The following LRRIQ1 variants were observed in gnomAD, a reference collection of about 807,000 sequenced individuals.
The protein encoded by LRRIQ1 is leucine-rich repeat- and IQ domain-containing protein 1.
In LRRIQ1, 210 loss-of-function variants were observed where a neutral mutation model predicts 211.9. The ratio of observed to expected loss-of-function variants is 0.99; its 90% CI spans 0.89 to 1.11. The LOEUF (loss-of-function observed/expected upper bound fraction) is 1.11. LRRIQ1 is among the 50% of genes most tolerant of loss of function. The pLI is 0.00. For synonymous variants in LRRIQ1, 699 were observed against 650.1 expected (o/e 1.08, Z -1.14); for missense variants, 2,136 against 1,939.5 (o/e 1.10, Z -1.90).
intron 10 of LRRIQ1, among the ~76,000 whole-genome samples, 193 bp downstream of exon 10, chr12:85,067,091 A>G (rs970273025): frequency 6.6e-6 from 1 of 151,910 alleles, no homozygotes; most frequent in African/African-American, 2.4e-5. Flanking sequence ...CACCACTGGC[A>G]ACTCTGTAGT....
At chr12:85,081,270 T>C (rs1376382552) in intron 11 of LRRIQ1, among the ~76,000 whole-genome samples, 3 of 152,170 alleles carry the variant, frequency 2.0e-5, no homozygotes. Flanking sequence ...TATGATTCGG[T>C]AGTACCATTT....
chr12:85,065,977 C>T (rs1882386128), intron 9 of LRRIQ1, among the ~76,000 whole-genome samples: 1 of 151,844 alleles, frequency 6.6e-6, no homozygotes, highest in Non-Finnish European at 1.5e-5. Flanking sequence ...TCCTAAAAGA[C>T]ATGCTGCAGT....
chr12:85,253,233 G>C (rs919950428), intron 1 of LRRIQ1, among the ~76,000 whole-genome samples: 1 of 151,960 alleles, frequency 6.6e-6, no homozygotes, highest in African/African-American at 2.4e-5. Flanking sequence ...GGTGAGAAGG[G>C]TGTATTCTCC....
At chr12:85,146,299 A>G (rs1233840199) in intron 19 of LRRIQ1, among the ~76,000 whole-genome samples, 1 of 151,728 alleles carries the variant, frequency 6.6e-6, no homozygotes, top group Non-Finnish European at 1.5e-5. Context: ...GTAATTGTCC[A>G]CCCCATGGGA....
At chr12:85,186,398 A>G (rs1201372801) in intron 24 of LRRIQ1, among the ~76,000 whole-genome samples, 1 of 152,136 alleles carries the variant, frequency 6.6e-6, no homozygotes, top group Non-Finnish European at 1.5e-5. Context: ...GAATTGGCCC[A>G]TTCTCTGATA....
chr12:85,145,351 T>C (rs1395677), intron 19 of LRRIQ1, among the ~76,000 whole-genome samples: 2,482 of 151,734 alleles, frequency 0.016, 67 homozygotes, highest in African/African-American at 0.057. Context: ...TTTCCTTAGA[T>C]TGATTTGTTG....
intron 15 of LRRIQ1, among the ~76,000 whole-genome samples, chr12:85,108,026 T>C (rs544367317): frequency 5.4e-4 from 83 of 152,322 alleles, no homozygotes; most frequent in African/African-American, 1.9e-3. Context: ...TCTACTTGTA[T>C]TGAATTTTTT....
In LRRIQ1 at chr12:85,137,905, T is replaced by A. The variant is rs1331924698; in HGVS notation, c.4265T>A (p.Ile1422Asn). 6.3e-7 allele frequency: 1 copy of A among 1,581,022 alleles called. No homozygotes were observed. The highest frequency in any genetic ancestry group is 8.7e-7 in the Non-Finnish European group (1 of 1,155,952). The change falls in exon 19 of 27, where the codon ATT (isoleucine) becomes AAT (asparagine). Residue 1422 changes from isoleucine to asparagine, a missense_variant. By Grantham distance (149) the Ile-to-Asn change is moderately radical. Coordinates refer to ENST00000393217, the MANE Select transcript of LRRIQ1 (RefSeq NM_001079910.2). ...RKKLTTALEA[I>N]KNEESDEEYR... ...AAACTGACAACAGCTCTAGAGGCTA[T>A]TAAGAATGAAGAATCCGATGAAGAA...
rs1302065032 is a variant in LRRIQ1, at chr12:85,121,850, A to G, written c.3531A>G (p.Leu1177=). 1 of 1,606,970 alleles carries G rather than the reference A, an allele frequency of 6.2e-7. No homozygotes were observed. Among genetic ancestry groups the G allele is most frequent in the East Asian group, 2.2e-5 (1 of 44,624 alleles). The change falls in exon 16 of 27, where the codon CTA becomes CTG. Residue 1177 remains leucine (L), a synonymous_variant. Transcript: ENST00000393217. Reference sequence around the variant, plus strand: ...CTCAGATTCGAGAATTCAACTTGCTAATTGAAAATTATATAACTGGAAAAG... The same window carrying G: ...CTCAGATTCGAGAATTCAACTTGCTGATTGAAAATTATATAACTGGAAAAG... ...CQSQIREFNL[L]IENYITGKGD...
intron 24 of LRRIQ1, among the ~76,000 whole-genome samples, chr12:85,221,946 A>C (rs1347549812): frequency 6.6e-6 from 1 of 152,170 alleles, no homozygotes; most frequent in Admixed American, 6.5e-5. Context: ...AGGCTGTTGC[A>C]GTAATTCAGT....
At chr12:85,054,253 A>C (rs1295169878) in intron 7 of LRRIQ1, among the ~76,000 whole-genome samples, 1 of 152,210 alleles carries the variant, frequency 6.6e-6, no homozygotes, top group Non-Finnish European at 1.5e-5. Context: ...GAGAGATACA[A>C]AGAAAATCAC....
intron 15 of LRRIQ1, among the ~76,000 whole-genome samples, chr12:85,114,892 G>T (rs752439291): frequency 1.7e-4 from 26 of 152,218 alleles, no homozygotes; most frequent in Non-Finnish European, 3.4e-4. Flanking sequence ...ACTTTAAGCA[G>T]TGTATTCCAA....
At chr12:85,116,226 T>G (rs896421229) in intron 15 of LRRIQ1, among the ~76,000 whole-genome samples, 3 of 152,174 alleles carry the variant, frequency 2.0e-5, no homozygotes, top group Non-Finnish European at 2.9e-5. Flanking sequence ...CACTGCAAGC[T>G]CCGCCTCCCG....
intron 1 of LRRIQ1, among the ~76,000 whole-genome samples, chr12:85,252,883 G>A (rs755339739): frequency 1.1e-4 from 16 of 151,788 alleles, no homozygotes; most frequent in Non-Finnish European, 2.2e-4. Flanking sequence ...ATTATATATT[G>A]TTGATATAAT....
intron 8 of LRRIQ1, among the ~76,000 whole-genome samples, chr12:85,059,045 A>T (rs1319177366): frequency 2.0e-5 from 3 of 151,980 alleles, no homozygotes; most frequent in African/African-American, 7.2e-5. Context: ...TCCTGTAAAG[A>T]TTCTGTTTGG....
intron 1 of LRRIQ1, among the ~76,000 whole-genome samples, chr12:85,037,515 T>A (rs1298376603): frequency 1.3e-5 from 2 of 152,126 alleles, no homozygotes; most frequent in Non-Finnish European, 2.9e-5. Flanking sequence ...TCTTTTCCTT[T>A]TTTTATTTTA....
intron 1 of LRRIQ1, among the ~76,000 whole-genome samples, chr12:85,260,189 C>T (rs1896245162): frequency 6.7e-6 from 1 of 148,868 alleles, no homozygotes; most frequent in Non-Finnish European, 1.5e-5. Context: ...TGCCTTTAGT[C>T]CCGGCTTCTG....
chr12:85,266,799 G>A (rs1296356137), downstream of LRRIQ1, among the ~76,000 whole-genome samples: 1 of 152,140 alleles, frequency 6.6e-6, no homozygotes, highest in Non-Finnish European at 1.5e-5. Context: ...TTGCTGTAAG[G>A]CAATAACAAG....
chr12:85,091,928 C>T (rs2136233348), intron 11 of LRRIQ1, among the ~76,000 whole-genome samples: 1 of 152,230 alleles, frequency 6.6e-6, no homozygotes, highest in South Asian at 2.1e-4. Flanking sequence ...GAGTGGTAGG[C>T]AAGTGAGTGA....
Sources: gnomAD v4.1 joint callset for allele counts (sites outside exome capture counted in the v4.1 genomes callset) on GRCh38, gnomAD v4.1.1 for gene constraint, MANE v1.5 for transcripts, NCBI Gene and HGNC (gene_info 2026-07-23, HGNC 2026-07-21) for gene names.